The following CCSER1 variants were observed in gnomAD, a reference collection of about 807,000 sequenced individuals.
CCSER1 encodes serine-rich coiled-coil domain-containing protein 1.
Under a neutral mutation model 82.0 loss-of-function variants are expected in CCSER1, and 41 were observed. The observed-to-expected ratio is 0.50, with a 90% CI of 0.39 to 0.65. The LOEUF (loss-of-function observed/expected upper bound fraction) is 0.65. CCSER1 is among the 30% of genes least tolerant of loss of function. The probability of loss-of-function intolerance (pLI) is 0.00; values close to 1 mark genes in which losing one functional copy is unlikely to be tolerated. For missense variants in CCSER1, 1,119 were observed against 1,064.2 expected (o/e 1.05, Z -0.72); for synonymous variants, 414 against 383.9 (o/e 1.08, Z -0.92).
chr4:90,988,002 C>T lies in CCSER1; in HGVS notation c.2172+64555C>T, dbSNP rs1396083653. 2.0e-5 allele frequency among the ~76,000 whole-genome samples: 3 copies of T among 151,436 alleles called. No individual in the cohort carries two copies. The East Asian group carries it at 5.9e-4, about 30-fold the overall frequency. ...TGCATAAAGTCAGAACTAAAATCCG[C>T]AATATTGTAAGTTGGAGTAAAGAAT... On this transcript the variant is annotated intron_variant, in intron 9 of 10. Coordinates refer to ENST00000509176, the MANE Select transcript of CCSER1 (RefSeq NM_001145065.2).
chr4:90,919,003 A>G (rs1471843635), intron 8 of CCSER1, among the ~76,000 whole-genome samples: 1 of 148,452 alleles, frequency 6.7e-6, no homozygotes, highest in Admixed American at 7.0e-5. Flanking sequence ...TGCTGATGAT[A>G]TTTATATTAG....
At chr4:90,688,600 C>G (rs932066954) in intron 6 of CCSER1, among the ~76,000 whole-genome samples, 4 of 151,996 alleles carry the variant, frequency 2.6e-5, no homozygotes, top group Non-Finnish European at 5.9e-5. Flanking sequence ...ACTAATTTTT[C>G]AAGTAAATAA....
At chr4:90,405,039 T>C (rs1753511508) in intron 4 of CCSER1, among the ~76,000 whole-genome samples, 1 of 151,928 alleles carries the variant, frequency 6.6e-6, no homozygotes, top group Non-Finnish European at 1.5e-5. Flanking sequence ...GTAAAAAGAA[T>C]TAGAAGGTCG....
intron 9 of CCSER1, among the ~76,000 whole-genome samples, chr4:91,073,236 T>A (rs1380198837): frequency 6.6e-6 from 1 of 152,088 alleles, no homozygotes; most frequent in East Asian, 1.9e-4. Context: ...CATGATAAAC[T>A]CCATAAAATT....
intron 5 of CCSER1, among the ~76,000 whole-genome samples, chr4:90,622,748 G>A (rs1722560231): frequency 6.6e-6 from 1 of 152,028 alleles, no homozygotes; most frequent in South Asian, 2.1e-4. Context: ...TGTCTTTATA[G>A]CAGCATGATT....
At chr4:90,383,315 C>CA (rs1182236502) in intron 3 of CCSER1, among the ~76,000 whole-genome samples, 1 of 151,994 alleles carries the variant, frequency 6.6e-6, no homozygotes, top group Non-Finnish European at 1.5e-5. Flanking sequence ...TATAGATAGG[C>CA]AAAATGAATT....
intron 10 of CCSER1, among the ~76,000 whole-genome samples, chr4:91,130,207 A>C (rs1424021017): frequency 6.6e-6 from 1 of 151,906 alleles, no homozygotes; most frequent in Non-Finnish European, 1.5e-5. Flanking sequence ...TTTGGAGAAA[A>C]AGTATTTAAA....
chr4:91,022,467 C>T (rs1462766265), intron 9 of CCSER1, among the ~76,000 whole-genome samples: 1 of 152,146 alleles, frequency 6.6e-6, no homozygotes, highest in Non-Finnish European at 1.5e-5. Context: ...CCGCAGTAAA[C>T]ATACATGTGC....
intron 10 of CCSER1, among the ~76,000 whole-genome samples, chr4:91,291,070 T>C (rs1263060202): frequency 1.3e-5 from 2 of 151,350 alleles, no homozygotes; most frequent in Admixed American, 6.6e-5. Flanking sequence ...TTTTCTTTTA[T>C]ATATATTATT....
rs186979800 is a variant in CCSER1 at position 91,573,173 on chromosome 4, C to T, written c.2218-25399C>T. Reference sequence around the variant, plus strand: ...CCTCCAACCCTGGTTGGCTTGTACTCCAAAACCTGAAGGCTGGATTGGCTA... The same window carrying T: ...CCTCCAACCCTGGTTGGCTTGTACTTCAAAACCTGAAGGCTGGATTGGCTA... On this transcript the variant is annotated intron_variant, in intron 10 of 10. Transcript: ENST00000509176. Among the ~76,000 whole-genome samples, 20 of 152,280 alleles carry T rather than the reference C, an allele frequency of 1.3e-4. No individual in the cohort carries two copies. In the East Asian group the frequency reaches 3.3e-3, roughly 25 times the overall value.
At chr4:91,342,878 T>A (rs1747806894) in intron 10 of CCSER1, among the ~76,000 whole-genome samples, 1 of 152,136 alleles carries the variant, frequency 6.6e-6, no homozygotes, top group Admixed American at 6.5e-5. Context: ...ATGTGATTCA[T>A]CATTTTCCTT....
chr4:90,815,395 T>C (rs17017638), intron 7 of CCSER1, among the ~76,000 whole-genome samples: 50,773 of 151,986 alleles, frequency 0.33, 8,630 homozygotes, highest in East Asian at 0.42. Context: ...TCTGTTCTAC[T>C]TACTATGTAT....
intron 7 of CCSER1, among the ~76,000 whole-genome samples, chr4:90,810,912 A>G (rs1021254483): frequency 7.0e-6 from 1 of 142,146 alleles, no homozygotes; most frequent in African/African-American, 2.6e-5. Flanking sequence ...GGCTCACTAC[A>G]AGGCCCGCCT....
chr4:90,135,557 A>G lies in CCSER1; in HGVS notation c.-42+7726A>G, dbSNP rs182357809. Among the ~76,000 whole-genome samples, 322 of 152,308 alleles carry G rather than the reference A, an allele frequency of 2.1e-3. 4 individuals carry two copies. The highest frequency in any genetic ancestry group is 6.6e-3 in the African/African-American group (275 of 41,578). Reference sequence around the variant, plus strand: ...TCACTCTTGGATTTCCATGATGCCAACTACTTATGGCATATTGCCTTGCTC... The same window carrying G: ...TCACTCTTGGATTTCCATGATGCCAGCTACTTATGGCATATTGCCTTGCTC... On this transcript the variant is annotated intron_variant, in intron 1 of 10. Coordinates refer to ENST00000509176, the MANE Select transcript of CCSER1 (RefSeq NM_001145065.2).
At chr4:91,124,164 T>C (rs571034867) in intron 10 of CCSER1, among the ~76,000 whole-genome samples, 1 of 151,746 alleles carries the variant, frequency 6.6e-6, no homozygotes, top group Non-Finnish European at 1.5e-5. Flanking sequence ...TATATACTAA[T>C]TGTTAATTAT....
intron 7 of CCSER1, among the ~76,000 whole-genome samples, chr4:90,814,556 A>G (rs951336544): frequency 1.8e-4 from 27 of 152,126 alleles, no homozygotes; most frequent in African/African-American, 6.3e-4. Context: ...CCTGTTTCCA[A>G]TAATTTGTTT....
At chr4:90,184,666 A>G (rs1415109499) in intron 1 of CCSER1, among the ~76,000 whole-genome samples, 3 of 152,114 alleles carry the variant, frequency 2.0e-5, no homozygotes, top group Non-Finnish European at 2.9e-5. Context: ...TCTGAACTTA[A>G]CCAGGTAAAG....
chr4:90,997,397 C>A (rs186158682), intron 9 of CCSER1, among the ~76,000 whole-genome samples: 106 of 152,276 alleles, frequency 7.0e-4, no homozygotes, highest in African/African-American at 1.7e-3. Flanking sequence ...TTCTTGTGAA[C>A]ACTTTGGATC....
chr4:90,986,390 G>A (rs1235402711), intron 9 of CCSER1, among the ~76,000 whole-genome samples: 1 of 151,754 alleles, frequency 6.6e-6, no homozygotes, highest in Non-Finnish European at 1.5e-5. Flanking sequence ...GAGGTAGTCT[G>A]AAAGTTTGAA....
Sources: gnomAD v4.1 joint callset for allele counts (sites outside exome capture counted in the v4.1 genomes callset) on GRCh38, gnomAD v4.1.1 for gene constraint, MANE v1.5 for transcripts, NCBI Gene and HGNC (gene_info 2026-07-23, HGNC 2026-07-21) for gene names.